The following FILIP1L variants were observed in gnomAD, a reference collection of about 807,000 sequenced individuals.
The protein encoded by FILIP1L is filamin A interacting protein 1 like, also known as filamin A-interacting protein 1-like.
Under a neutral mutation model 96.6 loss-of-function variants are expected in FILIP1L, and 55 were observed. That is an observed-to-expected ratio of 0.57 (90% CI 0.46 to 0.71). The LOEUF is 0.71. Ranked by LOEUF, FILIP1L falls within the 30% of genes least tolerant of loss-of-function variation. FILIP1L has a pLI of 0.00. For missense variants in FILIP1L, 1,304 were observed against 1,321.2 expected (o/e 0.99, Z 0.20); for synonymous variants, 467 against 473.9 (o/e 0.99, Z 0.19).
intron 1 of FILIP1L, among the ~76,000 whole-genome samples, chr3:100,098,045 TAAAAC>T (rs2066241691): frequency 6.6e-6 from 1 of 152,236 alleles, no homozygotes; most frequent in African/African-American, 2.4e-5. Flanking sequence ...AAAAATCTAG[TAAAAC>T]AAGAATAGCA....
At chr3:100,087,979 C>T (rs186026469) in intron 1 of FILIP1L, among the ~76,000 whole-genome samples, 1 of 151,882 alleles carries the variant, frequency 6.6e-6, no homozygotes, top group Non-Finnish European at 1.5e-5. Context: ...TACAGGTGCC[C>T]ACCACCATGC....
In FILIP1L at chr3:99,899,964, G is replaced by A. The variant is rs993106049; in HGVS notation, c.605+24266C>T. ...CCTAAGGTGCTAAATACGGTGTTCT[G>A]GTTCTACTGGATCTTTGAAATCGTA... On this transcript the variant is annotated intron_variant, in intron 4 of 5. Transcript: ENST00000477258. 2.6e-5 allele frequency among the ~76,000 whole-genome samples: 4 copies of A among 152,132 alleles called. No individual in the cohort carries two copies. The South Asian group carries it at 8.3e-4, about 31-fold the overall frequency.
chr3:100,050,517 A>G (rs756233618), intron 1 of FILIP1L, among the ~76,000 whole-genome samples: 2 of 151,968 alleles, frequency 1.3e-5, no homozygotes, highest in African/African-American at 2.4e-5. Flanking sequence ...AATTCCCACA[A>G]TTTGTTTGTT....
chr3:100,110,940 G>A (rs77872880), intron 1 of FILIP1L, among the ~76,000 whole-genome samples: 2 of 152,076 alleles, frequency 1.3e-5, no homozygotes, highest in African/African-American at 2.4e-5. Context: ...CATGTAGGTG[G>A]ATATACTAAT....
chr3:99,930,288 TATC>T (rs1707436400), intron 2 of FILIP1L, among the ~76,000 whole-genome samples: 1 of 152,224 alleles, frequency 6.6e-6, no homozygotes, highest in African/African-American at 2.4e-5. Context: ...GACAAGCAGA[TATC>T]ATGATATCCA....
At chr3:100,093,710 C>G (rs749348962) in intron 1 of FILIP1L, among the ~76,000 whole-genome samples, 1 of 152,156 alleles carries the variant, frequency 6.6e-6, no homozygotes, top group Non-Finnish European at 1.5e-5. Flanking sequence ...CCTCCCATCC[C>G]CTACTCTCTC....
intron 4 of FILIP1L, among the ~76,000 whole-genome samples, chr3:99,868,936 A>G (rs1323314300): frequency 6.6e-6 from 1 of 152,146 alleles, no homozygotes; most frequent in South Asian, 2.1e-4. Context: ...TTTTGCCGTT[A>G]AGCCAACTGT....
At chr3:100,095,452 A>G (rs191716505) in intron 1 of FILIP1L, among the ~76,000 whole-genome samples, 8 of 152,338 alleles carry the variant, frequency 5.3e-5, no homozygotes, top group Admixed American at 1.3e-4. Context: ...AAAATAATAC[A>G]TATTTAAAAA....
chr3:99,844,301 CAG>C (rs1234119011), intron 5 of FILIP1L, among the ~76,000 whole-genome samples: 4 of 152,178 alleles, frequency 2.6e-5, no homozygotes, highest in Admixed American at 1.3e-4. Flanking sequence ...AACTTAATAT[CAG>C]GGGATTCTCA....
intron 1 of FILIP1L, among the ~76,000 whole-genome samples, chr3:99,973,258 T>C (rs1235107798): frequency 6.6e-6 from 1 of 152,170 alleles, no homozygotes; most frequent in Non-Finnish European, 1.5e-5. Flanking sequence ...TGTGATCTCA[T>C]TAGTGGATGT....
At chr3:99,840,497 C>T (rs1943087473) in intron 5 of FILIP1L, among the ~76,000 whole-genome samples, 1 of 152,106 alleles carries the variant, frequency 6.6e-6, no homozygotes, top group African/African-American at 2.4e-5. Context: ...GCTGGGATTA[C>T]AGGCATGAGC....
chr3:100,047,417 A>G (rs1435016803), intron 1 of FILIP1L, among the ~76,000 whole-genome samples: 1 of 152,234 alleles, frequency 6.6e-6, no homozygotes, highest in Non-Finnish European at 1.5e-5. Context: ...GAAAGCTTTT[A>G]TGACTTAACT....
At chr3:100,082,193 T>C (rs915943195) in intron 1 of FILIP1L, among the ~76,000 whole-genome samples, 9 of 152,240 alleles carry the variant, frequency 5.9e-5, no homozygotes, top group Non-Finnish European at 1.5e-5. Flanking sequence ...AAGAACATTA[T>C]TGCTAAAGAG....
intron 1 of FILIP1L, among the ~76,000 whole-genome samples, chr3:99,993,830 G>C (rs549498908): frequency 2.0e-5 from 3 of 152,194 alleles, no homozygotes; most frequent in East Asian, 3.9e-4. Context: ...AATCGTACTT[G>C]ATCATGATAT....
In FILIP1L at chr3:99,848,547, C is replaced by T; in HGVS notation, c.3129G>A (p.Gln1043=). ...RVSPDRQSSW[Q]FQRSNSNSSS... ...AGCTATTGCTGTTTGAACGCTGAAA[C>T]TGCCATGATGACTGCCGGTCTGGGG... Residue 1043 remains glutamine (Q), a synonymous_variant, in exon 5 of 6, where the codon CAG becomes CAA. Coordinates refer to ENST00000477258, the MANE Select transcript of FILIP1L (RefSeq NM_001387850.1). 1 of 1,614,190 alleles carries T rather than the reference C, an allele frequency of 6.2e-7. No individual in the cohort carries two copies. Among genetic ancestry groups the T allele is most frequent in the Non-Finnish European group, 8.5e-7 (1 of 1,180,028 alleles).
chr3:99,847,067 A>G (rs141476959), intron 5 of FILIP1L, among the ~76,000 whole-genome samples: 112 of 152,300 alleles, frequency 7.4e-4, no homozygotes, highest in African/African-American at 2.4e-3. Context: ...TCTCATCTAT[A>G]TTGTAAATGG....
chr3:100,022,686 A>G (rs1375081768), intron 1 of FILIP1L, among the ~76,000 whole-genome samples: 2 of 152,172 alleles, frequency 1.3e-5, no homozygotes, highest in African/African-American at 2.4e-5. Context: ...CTCAGCTGGG[A>G]TAGGTAGAAA....
At chr3:100,014,895 CTTTTTT>C (rs1233573719) in intron 1 of FILIP1L, among the ~76,000 whole-genome samples, 38 of 25,012 alleles carry the variant, frequency 1.5e-3, no homozygotes, top group African/African-American at 6.1e-3. Context: ...TTCTTTCTTT[CTTTTTT>C]TTTTTTTTTT....
Position 99,848,430 on chromosome 3 carries a change from G to A in FILIP1L, c.3246C>T (p.Ser1082=), listed in dbSNP as rs1176478864. The A allele has an allele frequency of 6.2e-7, 1 of 1,614,176 alleles. No individual in the cohort carries two copies. The highest frequency in any genetic ancestry group is 1.7e-5 in the Admixed American group (1 of 60,018). ...GGTTATCCTGCAGTGGTGCTGAAGG[G>A]CTGGCAGGTCTCACAGGGCTGGCTA... ...QAVASPVRPA[S]PSAPLQDNRT... The change falls in exon 5 of 6, where the codon AGC becomes AGT. Residue 1082 remains serine, a synonymous_variant. Transcript: ENST00000477258.
Sources: allele counts gnomAD v4.1 joint callset (sites outside exome capture counted in the v4.1 genomes callset), GRCh38; gene constraint gnomAD v4.1.1; transcripts MANE v1.5; gene names NCBI Gene and HGNC (gene_info 2026-07-23, HGNC 2026-07-21).